Variants in ARHGEF3 observed in about 807,000 individuals in gnomAD.
The protein encoded by ARHGEF3 is Rho guanine nucleotide exchange factor 3, also known as 59.8 kDA protein.
A neutral mutation model predicts 63.2 loss-of-function variants in ARHGEF3; 28 were observed. The observed-to-expected ratio is 0.44, with a 90% CI of 0.33 to 0.61. ARHGEF3 has a LOEUF of 0.61. Ranked by LOEUF, ARHGEF3 falls within the 20% of genes least tolerant of loss-of-function variation. ARHGEF3 has a pLI of 0.03. For missense variants in ARHGEF3, 533 were observed against 659.3 expected, an observed-to-expected ratio of 0.81 and a Z score of 2.10; for synonymous variants, 266 against 254.2, an observed-to-expected ratio of 1.05 and a Z score of -0.44.
At chr3:56,857,450 G>A (rs531924189) in intron 4 of ARHGEF3, among the ~76,000 whole-genome samples, 1 of 152,272 alleles carries the variant, frequency 6.6e-6, no homozygotes, top group East Asian at 1.9e-4. Flanking sequence ...CAACCCAGTG[G>A]CTACTGGCAG....
intron 1 of ARHGEF3, among the ~76,000 whole-genome samples, chr3:57,040,379 A>C (rs894440706): frequency 6.6e-6 from 1 of 152,056 alleles, no homozygotes; most frequent in Non-Finnish European, 1.5e-5. Flanking sequence ...CTGGAGGCTG[A>C]GGCAGGAGAA....
At chr3:56,753,382 G>A in intron 4 of ARHGEF3, 122 bp downstream of exon 4, 1 of 785,734 alleles carries the variant, frequency 1.3e-6, no homozygotes, top group Non-Finnish European at 2.1e-6. Context: ...ACTGCTTGGT[G>A]TGTGGTAGCA....
chr3:56,951,051 T>A (rs1699781535), intron 3 of ARHGEF3, among the ~76,000 whole-genome samples: 1 of 151,704 alleles, frequency 6.6e-6, no homozygotes, highest in South Asian at 2.1e-4. Flanking sequence ...ACACGGCATG[T>A]TCTCACTCAT....
chr3:56,882,329 T>C, exon 4 of ARHGEF3: 1 of 1,551,814 alleles, frequency 6.4e-7, no homozygotes. Context: ...AGCATCTTCA[T>C]CTTGGGTGCT....
At chr3:56,862,317 G>A (rs2108194197) in intron 4 of ARHGEF3, among the ~76,000 whole-genome samples, 1 of 152,244 alleles carries the variant, frequency 6.6e-6, no homozygotes, top group South Asian at 2.1e-4. Context: ...GCAGAACCCA[G>A]GTCTGTCGAA....
intron 3 of ARHGEF3, among the ~76,000 whole-genome samples, chr3:56,895,182 C>G (rs1288296619): frequency 2.0e-5 from 3 of 151,742 alleles, no homozygotes; most frequent in Non-Finnish European, 4.4e-5. Flanking sequence ...TCGCAGCTGA[C>G]TTCTTTCCAG....
At chr3:56,733,829 C>T (rs2033393132) in intron 8 of ARHGEF3, among the ~76,000 whole-genome samples, 1 of 151,604 alleles carries the variant, frequency 6.6e-6, no homozygotes, top group Non-Finnish European at 1.5e-5. Context: ...ACTAAAAATA[C>T]AAAAATTAGC....
At chr3:56,908,204 C>T (rs752989402) in intron 3 of ARHGEF3, among the ~76,000 whole-genome samples, 1 of 152,166 alleles carries the variant, frequency 6.6e-6, no homozygotes, top group Non-Finnish European at 1.5e-5. Context: ...CCAGTGACCC[C>T]GAGCGGGGAC....
At chr3:57,064,064 C>T (rs576397360) in intron 1 of ARHGEF3, among the ~76,000 whole-genome samples, 1 of 152,078 alleles carries the variant, frequency 6.6e-6, no homozygotes, top group Admixed American at 6.5e-5. Flanking sequence ...CTCAGGGGCT[C>T]GAGACCAGCC....
At chr3:57,022,745 T>C (rs1334067542) in intron 2 of ARHGEF3, among the ~76,000 whole-genome samples, 4 of 151,872 alleles carry the variant, frequency 2.6e-5, no homozygotes, top group African/African-American at 2.4e-5. Flanking sequence ...CCCTGTTTTT[T>C]GCCAACAAAG....
At chr3:57,071,859 T>C (rs1273157310) in intron 1 of ARHGEF3, among the ~76,000 whole-genome samples, 3 of 151,944 alleles carry the variant, frequency 2.0e-5, no homozygotes, top group Non-Finnish European at 2.9e-5. Context: ...CAAAAAATAC[T>C]TTAAAATCAT....
chr3:57,076,905 G>A (rs1006843790), intron 1 of ARHGEF3: 1 of 152,142 alleles, frequency 6.6e-6, no homozygotes, highest in African/African-American at 2.4e-5. Flanking sequence ...ATAAATCAAT[G>A]TATGAATAAG....
Position 56,732,603 on chromosome 3 carries a change from T to C in ARHGEF3, c.1042-179A>G, listed in dbSNP as rs529085973. Among the ~76,000 whole-genome samples, 108 of 152,244 alleles carry C rather than the reference T, an allele frequency of 7.1e-4. 1 individual carries two copies. In the South Asian group the frequency reaches 0.017, roughly 23 times the overall value. ...GGCATGTTGGAGGCACTTCCAGATATGTCCACTGCCCTTCCTGTAGAAGCA... is the reference window on the plus strand; with the variant it reads ...GGCATGTTGGAGGCACTTCCAGATACGTCCACTGCCCTTCCTGTAGAAGCA... On this transcript the variant is annotated intron_variant, in intron 8 of 9. Transcript: ENST00000296315.
chr3:56,764,545 T>TA (rs1371973979), intron 2 of ARHGEF3, among the ~76,000 whole-genome samples: 8 of 152,092 alleles, frequency 5.3e-5, no homozygotes, highest in East Asian at 1.9e-4. Flanking sequence ...CTCTGGCACT[T>TA]ACCAGCTGTG....
intron 3 of ARHGEF3, among the ~76,000 whole-genome samples, chr3:56,885,407 C>T (rs4681927): frequency 0.47 from 71,050 of 151,966 alleles, 19,098 homozygotes; most frequent in East Asian, 0.62. Flanking sequence ...TTATGAATTG[C>T]CCAGACCATA....
At chr3:56,957,199 AG>A (rs1700080781) in intron 3 of ARHGEF3, among the ~76,000 whole-genome samples, 1 of 152,260 alleles carries the variant, frequency 6.6e-6, no homozygotes, top group Non-Finnish European at 1.5e-5. Flanking sequence ...CTATTTCAGA[AG>A]TCAACACATT....
chr3:56,934,786 A>G (rs2042510551), intron 3 of ARHGEF3, among the ~76,000 whole-genome samples: 1 of 152,090 alleles, frequency 6.6e-6, no homozygotes, highest in African/African-American at 2.4e-5. Context: ...AGCCTCCCCG[A>G]CGAGCGCCAC....
At chr3:56,795,655 C>CTTTTTTTTTTTTTTTTT (rs11306302) in intron 1 of ARHGEF3, among the ~76,000 whole-genome samples, 2 of 130,546 alleles carry the variant, frequency 1.5e-5, no homozygotes, top group Non-Finnish European at 3.2e-5. Context: ...GTCTCTCTCT[C>CTTTTTTTTTTTTTTTTT]TTTTTTTTTT....
intron 1 of ARHGEF3, among the ~76,000 whole-genome samples, chr3:56,788,506 T>C (rs1025782926): frequency 1.3e-5 from 2 of 152,172 alleles, no homozygotes; most frequent in Admixed American, 6.5e-5. Flanking sequence ...TCTAGCTCTT[T>C]ACCAGCTCAT....
Sources: allele counts gnomAD v4.1 joint callset (sites outside exome capture counted in the v4.1 genomes callset), GRCh38; gene constraint gnomAD v4.1.1; transcripts MANE v1.5; gene names NCBI Gene and HGNC (gene_info 2026-07-23, HGNC 2026-07-21).